The following PRKAG2 variants were observed in gnomAD, a reference collection of about 807,000 sequenced individuals.
PRKAG2 encodes the protein protein kinase AMP-activated non-catalytic subunit gamma 2.
PRKAG2 carries 26 observed loss-of-function variants against 69.6 expected under a neutral mutation model. The ratio of observed to expected loss-of-function variants is 0.37; its 90% CI spans 0.27 to 0.52. PRKAG2 has a LOEUF of 0.52. Among genes scored for constraint, PRKAG2 ranks in the 20% least tolerant of loss-of-function variants. PRKAG2 has a pLI of 0.90. For missense variants in PRKAG2, 557 were observed against 740.0 expected, an observed-to-expected ratio of 0.75 and a Z score of 2.87; for synonymous variants, 293 against 285.0, an observed-to-expected ratio of 1.03 and a Z score of -0.28.
At chr7:151,783,895 A>G (rs1436211246) in intron 2 of PRKAG2, among the ~76,000 whole-genome samples, 1 of 141,782 alleles carries the variant, frequency 7.1e-6, no homozygotes, top group East Asian at 2.1e-4. Context: ...GCTTGGGTAC[A>G]GAGCAAGACC....
chr7:151,704,712 A>G (rs960975328), intron 3 of PRKAG2, among the ~76,000 whole-genome samples: 3 of 152,244 alleles, frequency 2.0e-5, no homozygotes, highest in Non-Finnish European at 4.4e-5. Context: ...AACACCTACA[A>G]TGTGCTGGGC....
intron 3 of PRKAG2, among the ~76,000 whole-genome samples, chr7:151,700,720 G>A (rs1196497965): frequency 6.6e-6 from 1 of 151,516 alleles, no homozygotes; most frequent in Admixed American, 6.6e-5. Context: ...ACGCGTCCCA[G>A]GCCCTGGAGA....
chr7:151,615,471 A>AC (rs1819893921), intron 5 of PRKAG2, among the ~76,000 whole-genome samples: 1 of 152,230 alleles, frequency 6.6e-6, no homozygotes, highest in Non-Finnish European at 1.5e-5. Flanking sequence ...CTGGAAGATG[A>AC]CCTAGGAAAT....
At chr7:151,876,107 A>T (rs1464415888) in intron 1 of PRKAG2, among the ~76,000 whole-genome samples, 2 of 115,226 alleles carry the variant, frequency 1.7e-5, no homozygotes, top group Non-Finnish European at 3.5e-5. Flanking sequence ...CTCCGTCTCC[A>T]GCAGCCGAGC....
rs2151920498 is a variant in PRKAG2, at chr7:151,876,610, G to A, written c.11C>T (p.Ala4Val). 1.2e-6 allele frequency: 2 copies of A among 1,609,218 alleles called. No individual in the cohort carries two copies. Among genetic ancestry groups the A allele is most frequent in the Non-Finnish European group, 1.7e-6 (2 of 1,179,920 alleles). Reference protein sequence around the residue: MGSAVMDTKKKKDV... With the variant: MGSVVMDTKKKKDV... Reference sequence around the variant, plus strand: ...TTTTTTCTTCTTGGTGTCCATAACCGCGCTTCCCATAACTCTAACCAGAAG... The same window carrying A: ...TTTTTTCTTCTTGGTGTCCATAACCACGCTTCCCATAACTCTAACCAGAAG... The change falls in exon 1 of 16, where the codon GCG (alanine) becomes GTG (valine). Residue 4 changes from alanine (A) to valine (V), a missense_variant. Physicochemically the swap from Ala to Val is moderately conservative, Grantham distance 64. Coordinates refer to ENST00000287878, the MANE Select transcript of PRKAG2 (RefSeq NM_016203.4).
At chr7:151,560,742 G>T in intron 14 of PRKAG2, 125 bp from the exon 15 acceptor site, 1 of 1,261,692 alleles carries the variant, frequency 7.9e-7, no homozygotes, top group Non-Finnish European at 1.1e-6. Context: ...GGGAATAGCA[G>T]TGAGACATCA....
chr7:151,794,124 G>T (rs369707671), intron 1 of PRKAG2, among the ~76,000 whole-genome samples: 1 of 151,844 alleles, frequency 6.6e-6, no homozygotes, highest in Non-Finnish European at 1.5e-5. Flanking sequence ...CCCCTTCCCC[G>T]CCCCCCAAGG....
At chr7:151,806,990 T>G (rs1211477913) in intron 1 of PRKAG2, 1 of 455,944 alleles carries the variant, frequency 2.2e-6, no homozygotes, top group East Asian at 7.0e-5. Flanking sequence ...AAACATCACT[T>G]GTGTCCACCT....
At position 151,781,115 on chromosome 7, in the gene PRKAG2, C is replaced by G; in HGVS notation, c.466+37G>C. The G allele has an allele frequency of 6.2e-7, 1 of 1,612,546 alleles. No homozygotes were observed. On this transcript the variant is annotated intron_variant, in intron 3 of 15. Transcript: ENST00000287878. The surrounding 1 kb of genome is among the most constrained non-coding windows in gnomAD (Gnocchi z 6.1). ...GGCTGCAGAAGAGACCCCCAGCACC[C>G]CAGCACCCACCTGAAACAATAGCAT...
At position 151,632,309 on chromosome 7, in the gene PRKAG2, C is replaced by G; in HGVS notation, c.685-171G>C. On this transcript the variant is annotated intron_variant, in intron 4 of 15. Coordinates refer to ENST00000287878, the MANE Select transcript of PRKAG2 (RefSeq NM_016203.4). The surrounding 1 kb of genome is among the most constrained non-coding windows in gnomAD (Gnocchi z 4.2). ...CGGGGGCGGAGCGGGAGCGCTGCCC[C>G]CACCCGCCCGAGGCCGCCGCCGCCG... The G allele has an allele frequency of 1.1e-6, 1 of 899,378 alleles. No homozygotes were observed. The highest frequency in any genetic ancestry group is 1.3e-6 in the Non-Finnish European group (1 of 753,842). 55.7% of individuals were successfully genotyped at this position (899,378 alleles called of 1,614,324 possible).
chr7:151,725,318 G>A (rs58412371), intron 3 of PRKAG2, among the ~76,000 whole-genome samples: 2,946 of 152,186 alleles, frequency 0.019, 150 homozygotes, highest in East Asian at 0.16. Flanking sequence ...TTCCGCTGAC[G>A]AGAGGTCCCT....
At chr7:151,666,537 C>T (rs142780627) in intron 4 of PRKAG2, among the ~76,000 whole-genome samples, 8 of 152,268 alleles carry the variant, frequency 5.3e-5, no homozygotes, top group African/African-American at 7.2e-5. Context: ...TTATGGTTTC[C>T]GTGGGTCAGG....
chr7:151,598,325 A>T (rs1214452517), intron 5 of PRKAG2, among the ~76,000 whole-genome samples: 1 of 152,094 alleles, frequency 6.6e-6, no homozygotes, highest in Non-Finnish European at 1.5e-5. Flanking sequence ...GTATGAGGAG[A>T]GGTTGGTCAG....
At chr7:151,869,116 G>A (rs549878601) in intron 1 of PRKAG2, among the ~76,000 whole-genome samples, 71 of 152,282 alleles carry the variant, frequency 4.7e-4, no homozygotes, top group Non-Finnish European at 8.8e-4. Flanking sequence ...AAAGAGGCAG[G>A]AAAAGACACT....
chr7:151,581,237 T>C (rs539045718), intron 6 of PRKAG2, among the ~76,000 whole-genome samples: 1 of 152,370 alleles, frequency 6.6e-6, no homozygotes, highest in Admixed American at 6.5e-5. Flanking sequence ...CAAACCTAAC[T>C]ATAGCAGTAA....
Position 151,781,276 on chromosome 7 carries a change from C to T in PRKAG2, c.342G>A (p.Pro114=), listed in dbSNP as rs147365679. 31 of 1,613,866 alleles carry T rather than the reference C, an allele frequency of 1.9e-5. 1 individual carries two copies. In the Middle Eastern group the frequency reaches 8.2e-4, roughly 43 times the overall value. Residue 114 remains proline (P), a synonymous_variant, in exon 3 of 16, where the codon CCG becomes CCA. Transcript: ENST00000287878. The surrounding 1 kb of genome is among the most constrained non-coding windows in gnomAD (Gnocchi z 6.1). ...TVFPFSYQES[P]PRSPRRMSFS... ...AGCTCATGCGTCGAGGGGAGCGTGG[C>T]GGGGACTCCTGGTAGGAGAACGGGA...
At chr7:151,679,432 A>C (rs1316076744) in intron 3 of PRKAG2, among the ~76,000 whole-genome samples, 4 of 152,086 alleles carry the variant, frequency 2.6e-5, no homozygotes, top group Non-Finnish European at 5.9e-5. Context: ...CCTGAGAGTC[A>C]AGAGGGAATG....
At chr7:151,751,174 T>C (rs976618548) in intron 3 of PRKAG2, among the ~76,000 whole-genome samples, 1 of 150,280 alleles carries the variant, frequency 6.7e-6, no homozygotes, top group East Asian at 2.0e-4. Flanking sequence ...CTCAGCTCAC[T>C]GCAAGCTCTG....
At chr7:151,840,145 C>T (rs2079241624) in intron 1 of PRKAG2, among the ~76,000 whole-genome samples, 1 of 152,146 alleles carries the variant, frequency 6.6e-6, no homozygotes, top group South Asian at 2.1e-4. Flanking sequence ...CAAAAGAAGA[C>T]ATCATCTAAG....
Sources: allele counts gnomAD v4.1 joint callset (sites outside exome capture counted in the v4.1 genomes callset), GRCh38; gene constraint gnomAD v4.1.1; non-coding constraint Gnocchi (gnomAD v3.1); transcripts MANE v1.5; gene names NCBI Gene and HGNC (gene_info 2026-07-23, HGNC 2026-07-21).